Variants in KCND3 observed in about 807,000 individuals in gnomAD.
KCND3 encodes potassium voltage-gated channel subfamily D member 3.
KCND3 carries 9 observed loss-of-function variants against 51.1 expected under a neutral mutation model. The ratio of observed to expected loss-of-function variants is 0.18; its 90% CI spans 0.11 to 0.31. The LOEUF (loss-of-function observed/expected upper bound fraction) is 0.31. Among genes scored for constraint, KCND3 ranks in the 10% least tolerant of loss-of-function variants. The pLI is 1.00. For synonymous variants in KCND3, 349 were observed against 368.0 expected (o/e 0.95, Z 0.59); for missense variants, 526 against 903.8 (o/e 0.58, Z 5.36).
intron 2 of KCND3, among the ~76,000 whole-genome samples, chr1:111,903,259 CTACT>C (rs1366510834): frequency 2.0e-5 from 3 of 152,226 alleles, no homozygotes; most frequent in African/African-American, 7.2e-5. Context: ...TCCTTGGTGC[CTACT>C]TACTATCTCC....
Position 111,888,393 on chromosome 1 carries a change from A to G in KCND3, c.1106+93228T>C, listed in dbSNP as rs376654954. On this transcript the variant is annotated intron_variant, in intron 2 of 7. Coordinates refer to ENST00000302127, the MANE Select transcript of KCND3 (RefSeq NM_001378969.1). The stretch of plus-strand genomic sequence containing the variant: ...CACACAGAGGGTGGCAGAAGAGAAC[A>G]AAGACAGTGAGGCCGGGTATGGTGG... 2.5e-4 allele frequency among the ~76,000 whole-genome samples: 38 copies of G among 152,334 alleles called. No homozygotes were observed. The South Asian group carries it at 7.7e-3, about 31-fold the overall frequency.
intron 1 of KCND3, among the ~76,000 whole-genome samples, 103 bp downstream of exon 1, chr1:111,989,402 C>T (rs1003929553): frequency 6.6e-6 from 1 of 152,090 alleles, no homozygotes; most frequent in African/African-American, 2.4e-5. Context: ...CCCACCCGGG[C>T]GCGGGAGTGG....
chr1:111,934,025 G>A (rs1672096486), intron 2 of KCND3, among the ~76,000 whole-genome samples: 1 of 152,192 alleles, frequency 6.6e-6, no homozygotes, highest in South Asian at 2.1e-4. Context: ...CATCCCACTA[G>A]CTAAGTGCTT....
intron 2 of KCND3, among the ~76,000 whole-genome samples, chr1:111,897,761 T>C (rs762223626): frequency 2.8e-4 from 43 of 152,340 alleles, no homozygotes; most frequent in Non-Finnish European, 5.1e-4. Context: ...TGTGTACATA[T>C]GTCACATGGG....
At chr1:111,857,975 G>A (rs139207301) in intron 2 of KCND3, among the ~76,000 whole-genome samples, 6 of 152,050 alleles carry the variant, frequency 3.9e-5, no homozygotes, top group South Asian at 4.2e-4. Context: ...TCTGATTCTC[G>A]CAATAATGCT....
intron 2 of KCND3, among the ~76,000 whole-genome samples, chr1:111,855,734 A>G (rs536422029): frequency 6.6e-6 from 1 of 152,172 alleles, no homozygotes; most frequent in East Asian, 1.9e-4. Flanking sequence ...GCACACTCAA[A>G]TCAGGGTATG....
chr1:111,855,727 C>T (rs974417596), intron 2 of KCND3, among the ~76,000 whole-genome samples: 1 of 152,132 alleles, frequency 6.6e-6, no homozygotes, highest in African/African-American at 2.4e-5. Flanking sequence ...GCAGGTGGCA[C>T]ACTCAAATCA....
At chr1:111,810,692 A>T (rs1270277497) in intron 2 of KCND3, among the ~76,000 whole-genome samples, 1 of 152,148 alleles carries the variant, frequency 6.6e-6, no homozygotes, top group African/African-American at 2.4e-5. Context: ...AACCTCCAGG[A>T]CTCCAAGGAG....
intron 2 of KCND3, among the ~76,000 whole-genome samples, chr1:111,884,519 G>A (rs186378708): frequency 2.8e-4 from 43 of 152,274 alleles, no homozygotes; most frequent in African/African-American, 9.9e-4. Context: ...CCAGGGATGT[G>A]AGCAATTCTA....
chr1:111,973,359 T>A (rs777820066), intron 2 of KCND3, among the ~76,000 whole-genome samples: 5 of 152,198 alleles, frequency 3.3e-5, no homozygotes, highest in Non-Finnish European at 5.9e-5. Flanking sequence ...TTTGGATGAC[T>A]GCAAAGGGTA....
chr1:111,921,580 C>A (rs1327401577), intron 2 of KCND3, among the ~76,000 whole-genome samples: 1 of 152,222 alleles, frequency 6.6e-6, no homozygotes, highest in African/African-American at 2.4e-5. Context: ...CAGCGCCAAT[C>A]ATGAGAAAGT....
At chr1:111,817,104 C>G (rs968401222) in intron 2 of KCND3, among the ~76,000 whole-genome samples, 1 of 151,258 alleles carries the variant, frequency 6.6e-6, no homozygotes, top group African/African-American at 2.4e-5. Context: ...TACACTGTAC[C>G]AAATATGCAG....
At chr1:111,815,252 A>G (rs778048092) in intron 2 of KCND3, among the ~76,000 whole-genome samples, 11 of 151,996 alleles carry the variant, frequency 7.2e-5, no homozygotes, top group Admixed American at 4.6e-4. Context: ...TGTAAGTTTC[A>G]TTGCAATTAG....
chr1:111,778,546 GC>G, intron 5 of KCND3, 54 bp from the exon 6 acceptor site: 1 of 1,531,766 alleles, frequency 6.5e-7, no homozygotes, highest in Non-Finnish European at 9.0e-7. Context: ...GTACATTCCA[GC>G]ATTCCCAAGC....
intron 2 of KCND3, among the ~76,000 whole-genome samples, chr1:111,790,529 C>T (rs1292463648): frequency 6.6e-6 from 1 of 152,188 alleles, no homozygotes. Flanking sequence ...CAAGCTGAAC[C>T]AATGACTTCC....
intron 2 of KCND3, among the ~76,000 whole-genome samples, chr1:111,973,398 C>T (rs1420316488): frequency 6.6e-6 from 1 of 152,202 alleles, no homozygotes; most frequent in Non-Finnish European, 1.5e-5. Context: ...AAACAGCCCA[C>T]TCTGGTGTCC....
intron 2 of KCND3, among the ~76,000 whole-genome samples, chr1:111,970,686 T>C (rs1021303801): frequency 1.3e-4 from 20 of 152,202 alleles, no homozygotes; most frequent in African/African-American, 4.3e-4. Context: ...AGGACCTCAG[T>C]CTAAACCCAG....
At chr1:111,921,181 T>C (rs1482768393) in intron 2 of KCND3, among the ~76,000 whole-genome samples, 1 of 152,220 alleles carries the variant, frequency 6.6e-6, no homozygotes, top group South Asian at 2.1e-4. Flanking sequence ...GAGATTCTTA[T>C]TGTCTTCTTA....
chr1:111,803,473 T>G (rs1176444307), intron 2 of KCND3, among the ~76,000 whole-genome samples: 1 of 152,136 alleles, frequency 6.6e-6, no homozygotes, highest in Non-Finnish European at 1.5e-5. Flanking sequence ...GGCTGCTGGT[T>G]GTGTGTGTGT....
Sources: allele counts gnomAD v4.1 joint callset (sites outside exome capture counted in the v4.1 genomes callset), GRCh38; gene constraint gnomAD v4.1.1; transcripts MANE v1.5; gene names NCBI Gene and HGNC (gene_info 2026-07-23, HGNC 2026-07-21).